GPC5: variants seen among roughly 807,000 people sequenced by gnomAD.
GPC5 encodes the protein glypican-5.
GPC5 carries 47 observed loss-of-function variants against 53.9 expected under a neutral mutation model. That is an observed-to-expected ratio of 0.87 (90% CI 0.69 to 1.11). The LOEUF is 1.11. Ranked by LOEUF, GPC5 falls within the 50% of genes most tolerant of loss-of-function variation. The pLI, the probability that GPC5 is intolerant of heterozygous loss-of-function variation, is 0.00. For synonymous variants in GPC5, 286 were observed against 263.3 expected, an observed-to-expected ratio of 1.09 and a Z score of -0.84; for missense variants, 748 against 713.1, an observed-to-expected ratio of 1.05 and a Z score of -0.56.
intron 5 of GPC5, among the ~76,000 whole-genome samples, chr13:91,787,079 A>C (rs1250349830): frequency 1.3e-5 from 2 of 151,930 alleles, no homozygotes; most frequent in Non-Finnish European, 2.9e-5. Context: ...GTTTCTAATT[A>C]GTTTTAATGT....
chr13:91,684,479 G>A (rs77337356), intron 2 of GPC5, among the ~76,000 whole-genome samples: 1,656 of 152,270 alleles, frequency 0.011, 29 homozygotes, highest in African/African-American at 0.039. Flanking sequence ...CTGAGGCCCA[G>A]TCTTCAGATT....
intron 7 of GPC5, among the ~76,000 whole-genome samples, chr13:92,206,254 C>T (rs1282194094): frequency 1.3e-5 from 2 of 149,288 alleles, no homozygotes; most frequent in Non-Finnish European, 3.0e-5. Flanking sequence ...CAAGCTCCGC[C>T]TCCCGGGTCA....
intron 6 of GPC5, among the ~76,000 whole-genome samples, chr13:92,004,491 A>ATATATAT (rs1555303852): frequency 1.4e-5 from 1 of 69,768 alleles, no homozygotes; most frequent in African/African-American, 6.3e-5. Context: ...TATATATATA[A>ATATATAT]TTACACTATA....
At position 91,579,953 on chromosome 13, in the gene GPC5, G is replaced by A. The variant is rs114427126; in HGVS notation, c.326-113234G>A. The stretch of plus-strand genomic sequence containing the variant: ...AAGAGCCTCAGAATTAGAGCTTTAC[G>A]GTATTTTAATTCTTTCAAGTAACTT... On this transcript the variant is annotated intron_variant, in intron 2 of 7. Coordinates refer to ENST00000377067, the MANE Select transcript of GPC5 (RefSeq NM_004466.6). Among the ~76,000 whole-genome samples, 133 of 151,804 alleles carry A rather than the reference G, an allele frequency of 8.8e-4. 1 individual carries two copies. Among genetic ancestry groups the A allele is most frequent in the African/African-American group, 3.0e-3 (125 of 41,440 alleles).
intron 2 of GPC5, among the ~76,000 whole-genome samples, chr13:91,473,204 A>G (rs550192170): frequency 1.3e-5 from 2 of 152,162 alleles, no homozygotes; most frequent in South Asian, 4.2e-4. Context: ...CCATGATCCT[A>G]TCACATCCCT....
chr13:91,536,058 C>A (rs1042605528), intron 2 of GPC5, among the ~76,000 whole-genome samples: 1 of 151,984 alleles, frequency 6.6e-6, no homozygotes, highest in African/African-American at 2.4e-5. Context: ...AGTTGACTAC[C>A]ATTTATGTTT....
chr13:91,757,899 C>A (rs2037329253), intron 5 of GPC5, among the ~76,000 whole-genome samples: 1 of 152,038 alleles, frequency 6.6e-6, no homozygotes. Context: ...ATACTATAAT[C>A]AATTTTAATA....
At chr13:91,611,297 T>C (rs1033350765) in intron 2 of GPC5, among the ~76,000 whole-genome samples, 12 of 152,226 alleles carry the variant, frequency 7.9e-5, no homozygotes, top group African/African-American at 2.6e-4. Context: ...ACTCTCGGAG[T>C]GGTCAAGGCT....
chr13:92,685,545 T>TTTTTTTTTTTTTTAA (rs982638858), intron 7 of GPC5, among the ~76,000 whole-genome samples: 1,198 of 14,860 alleles, frequency 0.081, 32 homozygotes, highest in African/African-American at 0.15. Context: ...ATTATGCTCA[T>TTTTTTTTTTTTTTAA]TTTTTTTTTT....
intron 2 of GPC5, among the ~76,000 whole-genome samples, chr13:91,562,717 C>A (rs2031341560): frequency 6.6e-6 from 1 of 150,798 alleles, no homozygotes; most frequent in Admixed American, 6.6e-5. Flanking sequence ...CCACGCCTGG[C>A]CAAGGACCAT....
chr13:92,197,733 C>A (rs1333572562), intron 7 of GPC5, among the ~76,000 whole-genome samples: 1 of 150,284 alleles, frequency 6.7e-6, no homozygotes, highest in Admixed American at 6.7e-5. Context: ...CCAGACTGGT[C>A]TCGAACTCCT....
chr13:91,602,393 T>G (rs1423455678), intron 2 of GPC5, among the ~76,000 whole-genome samples: 1 of 152,246 alleles, frequency 6.6e-6, no homozygotes, highest in Non-Finnish European at 1.5e-5. Context: ...GCACAGGAGA[T>G]AATTTGTAAT....
At chr13:91,790,284 T>G (rs1319333229) in intron 5 of GPC5, among the ~76,000 whole-genome samples, 2 of 152,218 alleles carry the variant, frequency 1.3e-5, no homozygotes, top group African/African-American at 4.8e-5. Context: ...TGTCTTCTCT[T>G]GAGAAATAGC....
chr13:92,512,739 C>T (rs1880620588), intron 7 of GPC5, among the ~76,000 whole-genome samples: 1 of 152,192 alleles, frequency 6.6e-6, no homozygotes, highest in South Asian at 2.1e-4. Flanking sequence ...CTGAAATTCA[C>T]ATGGATCATT....
intron 3 of GPC5, among the ~76,000 whole-genome samples, chr13:91,728,030 C>T (rs2036612038): frequency 1.3e-5 from 2 of 151,986 alleles, no homozygotes; most frequent in South Asian, 2.1e-4. Context: ...AACTATTATA[C>T]AAGGAGATCT....
chr13:91,858,851 G>A (rs2038994951), intron 5 of GPC5, among the ~76,000 whole-genome samples: 1 of 151,714 alleles, frequency 6.6e-6, no homozygotes, highest in African/African-American at 2.4e-5. Flanking sequence ...GTCTTTACAG[G>A]TTTTGGATTT....
intron 7 of GPC5, among the ~76,000 whole-genome samples, chr13:92,250,027 G>A (rs2042681114): frequency 6.6e-6 from 1 of 151,954 alleles, no homozygotes; most frequent in African/African-American, 2.4e-5. Flanking sequence ...AAAGATCAAT[G>A]GATAATAAAT....
intron 7 of GPC5, among the ~76,000 whole-genome samples, chr13:92,635,189 T>G (rs1448043429): frequency 1.3e-5 from 2 of 152,176 alleles, no homozygotes; most frequent in Non-Finnish European, 2.9e-5. Context: ...GTGTATATAC[T>G]TATCTTTAAA....
chr13:92,357,261 T>A (rs186489836), intron 7 of GPC5, among the ~76,000 whole-genome samples: 2 of 151,876 alleles, frequency 1.3e-5, no homozygotes, highest in East Asian at 3.9e-4. Flanking sequence ...TGAATGGTAG[T>A]TCTGTTTTTA....
Sources: allele counts gnomAD v4.1 joint callset (sites outside exome capture counted in the v4.1 genomes callset), GRCh38; gene constraint gnomAD v4.1.1; transcripts MANE v1.5; gene names NCBI Gene and HGNC (gene_info 2026-07-23, HGNC 2026-07-21).